The following OGDH variants were observed in gnomAD, a reference collection of about 807,000 sequenced individuals.
OGDH encodes the protein 2-oxoglutarate dehydrogenase complex component E1.
Under a neutral mutation model 116.6 loss-of-function variants are expected in OGDH, and 38 were observed. That is an observed-to-expected ratio of 0.33 (90% CI 0.25 to 0.43). The LOEUF (loss-of-function observed/expected upper bound fraction) is 0.43. Among genes scored for constraint, OGDH ranks in the 20% least tolerant of loss-of-function variants. The probability of loss-of-function intolerance (pLI) is 1.00; values close to 1 mark genes in which losing one functional copy is unlikely to be tolerated. For missense variants in OGDH, 825 were observed against 1,357.2 expected (o/e 0.61, Z 6.16); for synonymous variants, 488 against 533.3 (o/e 0.92, Z 1.17).
intron 4 of OGDH, among the ~76,000 whole-genome samples, chr7:44,653,844 T>C (rs1447584634): frequency 2.0e-5 from 3 of 151,362 alleles, no homozygotes. Context: ...TTTGTTTTTT[T>C]TTATTTTTAT....
intron 9 of OGDH, 129 bp downstream of exon 9, chr7:44,676,278 G>A (rs936390895): frequency 6.1e-5 from 94 of 1,543,200 alleles, no homozygotes; most frequent in South Asian, 3.3e-4. Flanking sequence ...AAAGTCGGCC[G>A]GGCGCAGTGT....
Position 44,707,870 on chromosome 7 carries a change from A to G in OGDH, c.2952-9A>G, listed in dbSNP as rs1287301709. Reference sequence around the variant, plus strand: ...CCTGCCCTCACTGCCCCCTCCCTCCATCTCTCAGGTATGCCGGCCGGGACC... The same window carrying G: ...CCTGCCCTCACTGCCCCCTCCCTCCGTCTCTCAGGTATGCCGGCCGGGACC... On this transcript the variant is annotated splice_polypyrimidine_tract_variant and intron_variant, in intron 22 of 22. Coordinates refer to ENST00000222673, the MANE Select transcript of OGDH (RefSeq NM_002541.4). The surrounding 1 kb of genome is among the most constrained non-coding windows in gnomAD (Gnocchi z 5.2). 6.8e-6 allele frequency: 11 copies of G among 1,611,844 alleles called. No homozygotes were observed. Among genetic ancestry groups the G allele is most frequent in the Admixed American group, 1.7e-5 (1 of 59,814 alleles).
intron 20 of OGDH, among the ~76,000 whole-genome samples, chr7:44,705,571 CAG>C (rs945889000): frequency 2.6e-4 from 40 of 152,186 alleles, no homozygotes; most frequent in African/African-American, 8.9e-4. Context: ...TTTTTTGAGA[CAG>C]AGTCTCACTC....
chr7:44,639,037 G>A (rs575250430), intron 2 of OGDH, among the ~76,000 whole-genome samples: 15 of 152,318 alleles, frequency 9.8e-5, no homozygotes, highest in African/African-American at 3.4e-4. Context: ...ACCATGTGAA[G>A]GGAGAGGACA....
chr7:44,694,426 G>A lies in OGDH; in HGVS notation c.1518G>A (p.Val506=). Residue 506 remains valine, a splice_region_variant and synonymous_variant, in exon 12 of 23, where the codon GTG becomes GTA. Coordinates refer to ENST00000222673, the MANE Select transcript of OGDH (RefSeq NM_002541.4). This position sits in a 1 kb window ranked among gnomAD's most constrained non-coding sequence, Gnocchi z 4.2. ...TFHKDVVVDL[V]CYRRNGHNEM... ...CATCCTCTCACTGCTCTGAGCAGGT[G>A]TGTTACCGGCGCAACGGCCACAACG... 2.5e-6 allele frequency: 4 copies of A among 1,613,858 alleles called. No homozygotes were observed. The highest frequency in any genetic ancestry group is 2.2e-5 in the South Asian group (2 of 91,064).
intron 4 of OGDH, among the ~76,000 whole-genome samples, chr7:44,651,848 A>G (rs979923547): frequency 2.0e-5 from 3 of 151,988 alleles, no homozygotes; most frequent in African/African-American, 7.3e-5. Flanking sequence ...GGCATGAGCC[A>G]CCACACCCAG....
intron 1 of OGDH, among the ~76,000 whole-genome samples, chr7:44,610,741 G>C (rs1784530502): frequency 6.6e-6 from 1 of 151,920 alleles, no homozygotes; most frequent in Admixed American, 6.6e-5. Flanking sequence ...CAAGTAGCTG[G>C]GACTACAGCC....
At position 44,707,349 on chromosome 7, in the gene OGDH, C is replaced by A. The variant is rs138277018; in HGVS notation, c.2757C>A (p.Arg919=). The stretch of plus-strand genomic sequence containing the variant: ...ACCTCACCCGGGAGCGCAAAGCACG[C>A]GACATGGTGGGGCAGGTGGCCATCA... ...YYDLTRERKA[R]DMVGQVAITR... Residue 919 remains arginine (R), a synonymous_variant, in exon 21 of 23, where the codon CGC becomes CGA. Coordinates refer to ENST00000222673, the MANE Select transcript of OGDH (RefSeq NM_002541.4). The surrounding 1 kb of genome is among the most constrained non-coding windows in gnomAD (Gnocchi z 5.2). 4 of 1,614,246 alleles carry A rather than the reference C, an allele frequency of 2.5e-6. No homozygotes were observed. Among genetic ancestry groups the A allele is most frequent in the Non-Finnish European group, 1.7e-6 (2 of 1,180,040 alleles).
rs1226824509 is a variant in OGDH at position 44,694,145 on chromosome 7, T to C, written c.1515+141T>C. 1.0e-6 allele frequency: 1 copy of C among 972,834 alleles called. No homozygotes were observed. Among genetic ancestry groups the C allele is most frequent in the Non-Finnish European group, 1.5e-6 (1 of 670,786 alleles). The allele number at this position is 972,834 out of a possible 1,614,324, so 60.3% of individuals were successfully genotyped here. A position where few individuals can be genotyped will look rare whatever the true frequency, so the allele number is the denominator to read the frequency against. On this transcript the variant is annotated intron_variant, in intron 11 of 22. Transcript: ENST00000222673. The surrounding 1 kb of genome is among the most constrained non-coding windows in gnomAD (Gnocchi z 4.2). ...CTCTACTGCCAGGCCTCATGCTGGTTCCTTTGAGCTCCAAATAGTTCAGGC... is the reference window on the plus strand; with the variant it reads ...CTCTACTGCCAGGCCTCATGCTGGTCCCTTTGAGCTCCAAATAGTTCAGGC...
At chr7:44,608,301 A>G (rs888921218) in intron 1 of OGDH, among the ~76,000 whole-genome samples, 13 of 152,246 alleles carry the variant, frequency 8.5e-5, no homozygotes, top group Admixed American at 5.9e-4. Context: ...GCAACTACTC[A>G]GGAGGCTGAG....
intron 20 of OGDH, among the ~76,000 whole-genome samples, chr7:44,705,279 C>T (rs1203748398): frequency 6.8e-6 from 1 of 147,616 alleles, no homozygotes; most frequent in Non-Finnish European, 1.5e-5. Context: ...GTCTCGATCT[C>T]CTGACCTCGT....
chr7:44,611,515 T>TC (rs1335146203), intron 1 of OGDH, among the ~76,000 whole-genome samples: 30 of 151,428 alleles, frequency 2.0e-4, no homozygotes, highest in Non-Finnish European at 1.3e-4. Flanking sequence ...GACCTCGTGA[T>TC]CCCCCCCGCC....
chr7:44,697,607 T>C lies in OGDH; in HGVS notation c.2183T>C (p.Phe728Ser), dbSNP rs1788645163. The C allele has an allele frequency of 6.2e-7, 1 of 1,614,204 alleles. No homozygotes were observed. The highest frequency in any genetic ancestry group is 8.5e-7 in the Non-Finnish European group (1 of 1,180,024). The change falls in exon 17 of 23, where the codon TTT becomes TCT. Residue 728 changes from phenylalanine to serine, a missense_variant. Physicochemically the swap from Phe to Ser is radical, Grantham distance 155. This residue lies in a region of OGDH where 73 missense variants were observed against 182.3 expected (regional missense o/e 0.40). Transcript: ENST00000222673. This position sits in a 1 kb window ranked among gnomAD's most constrained non-coding sequence, Gnocchi z 6.0. ...CTCCTTCCTTTGTCCCTTGTAGGCT[T>C]TGAGCTGGGCTTCGCCATGGCCAGT... Reference protein sequence around the residue: ...SSLSEYGVLGFELGFAMASPN... With the variant: ...SSLSEYGVLGSELGFAMASPN...
At chr7:44,656,608 C>T (rs1010591456) in intron 4 of OGDH, among the ~76,000 whole-genome samples, 2 of 152,156 alleles carry the variant, frequency 1.3e-5, no homozygotes, top group African/African-American at 4.8e-5. Context: ...TTCATCTTCA[C>T]GTGTGCTTCA....
intron 2 of OGDH, among the ~76,000 whole-genome samples, chr7:44,629,664 C>T (rs188571684): frequency 5.4e-5 from 8 of 149,178 alleles, no homozygotes; most frequent in Admixed American, 2.0e-4. Context: ...TCTGCAACTT[C>T]CGCTTCCTGG....
rs1237624243 is a variant in OGDH, at chr7:44,608,616, G to C, written c.-28+1963G>C. ...GGCTGAGCTCCTCCAGCCTCAGCAG[G>C]AGGCTGAGGCAGGAGAATCGCTTGA... On this transcript the variant is annotated intron_variant, in intron 1 of 22. Transcript: ENST00000222673. Among the ~76,000 whole-genome samples, 4 of 152,124 alleles carry C rather than the reference G, an allele frequency of 2.6e-5. No individual in the cohort carries two copies. The East Asian group carries it at 7.7e-4, about 29-fold the overall frequency.
intron 10 of OGDH, among the ~76,000 whole-genome samples, chr7:44,682,419 C>T (rs1423449141): frequency 1.3e-5 from 2 of 151,756 alleles, no homozygotes; most frequent in Non-Finnish European, 2.9e-5. Flanking sequence ...AAGTTAGCAC[C>T]GGGCATGGTG....
Position 44,618,097 on chromosome 7 carries a change from T to C in OGDH, c.-27-6220T>C, listed in dbSNP as rs186336259. Among the ~76,000 whole-genome samples, 408 of 152,344 alleles carry C rather than the reference T, an allele frequency of 2.7e-3. 2 individuals carry two copies. The highest frequency in any genetic ancestry group is 4.0e-3 in the Non-Finnish European group (273 of 68,024). On this transcript the variant is annotated intron_variant, in intron 1 of 22. Coordinates refer to ENST00000222673, the MANE Select transcript of OGDH (RefSeq NM_002541.4). ...ACTAATTTTCCTTTGGTTTTTACTT[T>C]TTTTCTTTGTACAACTTATTTTTCC...
At chr7:44,614,117 T>G (rs1784675324) in intron 1 of OGDH, among the ~76,000 whole-genome samples, 1 of 151,982 alleles carries the variant, frequency 6.6e-6, no homozygotes, top group African/African-American at 2.4e-5. Flanking sequence ...AGCTGTCTTT[T>G]TAAAATTTTT....
Sources: allele counts gnomAD v4.1 joint callset (sites outside exome capture counted in the v4.1 genomes callset), GRCh38; gene constraint gnomAD v4.1.1; regional missense constraint gnomAD v4.1.1; non-coding constraint Gnocchi (gnomAD v3.1); transcripts MANE v1.5; gene names NCBI Gene and HGNC (gene_info 2026-07-23, HGNC 2026-07-21).